Variants in GLRX3 observed in about 807,000 individuals in gnomAD.
GLRX3 encodes the protein glutaredoxin 3, also known as glutaredoxin-3.
A neutral mutation model predicts 49.5 loss-of-function variants in GLRX3; 22 were observed. That is an observed-to-expected ratio of 0.44 (90% CI 0.32 to 0.63). The LOEUF is 0.63. GLRX3 is among the 30% of genes least tolerant of loss of function. The pLI, the probability that GLRX3 is intolerant of heterozygous loss-of-function variation, is 0.05. For synonymous variants in GLRX3, 133 were observed against 140.0 expected, an observed-to-expected ratio of 0.95 and a Z score of 0.35; for missense variants, 385 against 396.3, an observed-to-expected ratio of 0.97 and a Z score of 0.24.
chr10:130,178,045 T>G (rs2134934399), intron 10 of GLRX3, among the ~76,000 whole-genome samples: 1 of 152,296 alleles, frequency 6.6e-6, no homozygotes, highest in Non-Finnish European at 1.5e-5. Flanking sequence ...GTAGCTCTTT[T>G]GATGCCATGT....
chr10:130,146,945 C>G (rs1016948549), intron 2 of GLRX3, among the ~76,000 whole-genome samples: 1 of 152,222 alleles, frequency 6.6e-6, no homozygotes, highest in African/African-American at 2.4e-5. Flanking sequence ...AAATTCCAAA[C>G]AGTGTAGAAA....
intron 4 of GLRX3, 119 bp downstream of exon 4, chr10:130,161,116 A>G: frequency 1.5e-6 from 1 of 678,882 alleles, no homozygotes; most frequent in Non-Finnish European, 2.6e-6. Flanking sequence ...ACTTGTGTTC[A>G]CATACTTTTA....
At chr10:130,162,498 T>C (rs1862594465) in intron 4 of GLRX3, among the ~76,000 whole-genome samples, 1 of 152,222 alleles carries the variant, frequency 6.6e-6, no homozygotes, top group Admixed American at 6.5e-5. Flanking sequence ...AATTATTTCT[T>C]GTACTTTGTG....
intron 1 of GLRX3, among the ~76,000 whole-genome samples, chr10:130,141,292 C>T (rs1006090452): frequency 6.6e-6 from 1 of 151,296 alleles, no homozygotes; most frequent in African/African-American, 2.4e-5. Context: ...AAGACCCTGT[C>T]TCAAAAAAAG....
intron 1 of GLRX3, among the ~76,000 whole-genome samples, chr10:130,140,000 C>T (rs1204846021): frequency 1.3e-5 from 2 of 152,282 alleles, no homozygotes; most frequent in African/African-American, 4.8e-5. Flanking sequence ...TCCAAATCAT[C>T]GCTTCTCCAA....
chr10:130,167,923 T>TG (rs1219828696), intron 6 of GLRX3, among the ~76,000 whole-genome samples: 3 of 152,190 alleles, frequency 2.0e-5, no homozygotes, highest in Non-Finnish European at 4.4e-5. Flanking sequence ...TCTTCATGTG[T>TG]GGTTCTTGCC....
Position 130,175,099 on chromosome 10 carries a change from GTTC to G in GLRX3, c.957+15_957+17del. Reference sequence around the variant, plus strand: ...ATTGGATATTGTGAAGGTAAGGCCAGTTCTTCTGCTGTTCTAAAGAACGGAAAA... The same window carrying G: ...ATTGGATATTGTGAAGGTAAGGCCAGTTCTGCTGTTCTAAAGAACGGAAAA... On this transcript the variant is annotated intron_variant, in intron 10 of 10. Transcript: ENST00000331244. 1 of 1,382,262 alleles carries G rather than the reference GTTC, an allele frequency of 7.2e-7. No individual in the cohort carries two copies. Among genetic ancestry groups the G allele is most frequent in the East Asian group, 2.3e-5 (1 of 43,856 alleles). The allele number at this position is 1,382,262 out of a possible 1,614,324, so 85.6% of individuals were successfully genotyped here.
chr10:130,160,592 G>A (rs549070912), intron 3 of GLRX3, among the ~76,000 whole-genome samples: 7 of 152,246 alleles, frequency 4.6e-5, no homozygotes, highest in African/African-American at 1.7e-4. Context: ...TTGACTTTGA[G>A]ATGTTGCAGT....
intron 1 of GLRX3, among the ~76,000 whole-genome samples, chr10:130,141,992 A>C (rs751336727): frequency 8.5e-5 from 13 of 152,208 alleles, no homozygotes; most frequent in Non-Finnish European, 1.6e-4. Context: ...AGCTGAATGC[A>C]CAGGAGGAAG....
chr10:130,161,201 A>G (rs1285274514), intron 4 of GLRX3, among the ~76,000 whole-genome samples: 1 of 152,190 alleles, frequency 6.6e-6, no homozygotes, highest in Non-Finnish European at 1.5e-5. Context: ...GCATGTTGGA[A>G]CCAAAAGGGG....
Position 130,139,228 on chromosome 10 carries a change from C to T in GLRX3, c.92+2716C>T, listed in dbSNP as rs566559196. Among the ~76,000 whole-genome samples the T allele has an allele frequency of 1.2e-4, 18 of 152,186 alleles. 1 individual carries two copies. The East Asian group carries it at 3.1e-3, about 26-fold the overall frequency. Reference sequence around the variant, plus strand: ...TGCCGCTGGCCTGTACTTGAAATGGCCCAGGAAACAATGTGCACTTTCCTT... The same window carrying T: ...TGCCGCTGGCCTGTACTTGAAATGGTCCAGGAAACAATGTGCACTTTCCTT... On this transcript the variant is annotated intron_variant, in intron 1 of 10. Transcript: ENST00000331244.
At chr10:130,168,736 C>A (rs117927385) in intron 6 of GLRX3, among the ~76,000 whole-genome samples, 2 of 152,176 alleles carry the variant, frequency 1.3e-5, no homozygotes, top group South Asian at 4.1e-4. Context: ...CGTGAGCCAC[C>A]GCGCCCAACC....
intron 1 of GLRX3, among the ~76,000 whole-genome samples, chr10:130,136,812 C>T (rs1862062908): frequency 6.6e-6 from 1 of 152,076 alleles, no homozygotes; most frequent in Admixed American, 6.5e-5. Flanking sequence ...ACCTTCCCGG[C>T]CTCTGGCCTG....
intron 2 of GLRX3, among the ~76,000 whole-genome samples, chr10:130,157,316 A>C (rs1311520965): frequency 7.3e-6 from 1 of 136,232 alleles, no homozygotes; most frequent in Non-Finnish European, 1.6e-5. Flanking sequence ...GAGAAGATGG[A>C]TATCTCGGCT....
downstream of GLRX3, chr10:130,180,009 A>C (rs1297171154): frequency 6.6e-6 from 1 of 152,454 alleles, no homozygotes; most frequent in Non-Finnish European, 1.5e-5. Flanking sequence ...ATATGGTACA[A>C]CAAGCACTTT....
At chr10:130,159,454 G>C (rs987938156) in intron 2 of GLRX3, among the ~76,000 whole-genome samples, 1 of 152,194 alleles carries the variant, frequency 6.6e-6, no homozygotes, top group Non-Finnish European at 1.5e-5. Context: ...TATCTGCCTA[G>C]TGTCCAGCAG....
intron 8 of GLRX3, among the ~76,000 whole-genome samples, chr10:130,172,349 C>G (rs16910167): frequency 0.087 from 13,174 of 152,180 alleles, 918 homozygotes; most frequent in African/African-American, 0.19. Context: ...AGAGGTAGCA[C>G]AAGTTAAATT....
At chr10:130,139,599 G>T (rs1223718039) in intron 1 of GLRX3, among the ~76,000 whole-genome samples, 1 of 150,188 alleles carries the variant, frequency 6.7e-6, no homozygotes, top group Non-Finnish European at 1.5e-5. Flanking sequence ...CCAAGATCGT[G>T]GCACTGCACT....
At chr10:130,140,368 C>T (rs1862150236) in intron 1 of GLRX3, among the ~76,000 whole-genome samples, 1 of 152,172 alleles carries the variant, frequency 6.6e-6, no homozygotes, top group Admixed American at 6.5e-5. Flanking sequence ...AATACTGTAA[C>T]ATGTAATCCA....
Sources: allele counts gnomAD v4.1 joint callset (sites outside exome capture counted in the v4.1 genomes callset), GRCh38; gene constraint gnomAD v4.1.1; transcripts MANE v1.5; gene names NCBI Gene and HGNC (gene_info 2026-07-23, HGNC 2026-07-21).